Variants in VPS13B observed in about 807,000 individuals in gnomAD.
VPS13B encodes the protein vacuolar protein sorting 13 homolog B, also known as intermembrane lipid transfer protein VPS13B.
Under a neutral mutation model 426.4 loss-of-function variants are expected in VPS13B, and 285 were observed. That is an observed-to-expected ratio of 0.67 (90% CI 0.61 to 0.74). VPS13B has a LOEUF of 0.74. Among genes scored for constraint, VPS13B ranks in the 30% least tolerant of loss-of-function variants. The pLI is 0.00. For synonymous variants in VPS13B, 1,676 were observed against 1,676.4 expected (o/e 1.00, Z 0.01); for missense variants, 4,537 against 4,782.6 (o/e 0.95, Z 1.51).
chr8:99,553,397 T>G (rs1180578911), intron 30 of VPS13B, among the ~76,000 whole-genome samples: 1 of 152,162 alleles, frequency 6.6e-6, no homozygotes, highest in Non-Finnish European at 1.5e-5. Context: ...ATCTTTATCG[T>G]TTTCGTTGCA....
intron 15 of VPS13B, among the ~76,000 whole-genome samples, chr8:99,161,677 G>A (rs1811659523): frequency 6.6e-6 from 1 of 151,582 alleles, no homozygotes; most frequent in African/African-American, 2.4e-5. Context: ...GGCAGAGTGG[G>A]AATAGCATTA....
At chr8:99,093,791 T>A (rs2132423189) in intron 3 of VPS13B, 1 of 152,232 alleles carries the variant, frequency 6.6e-6, no homozygotes, top group African/African-American at 2.4e-5. Flanking sequence ...GTTGGACATT[T>A]GGGTTGAGAG....
At chr8:99,707,356 A>G (rs1468754920) in intron 36 of VPS13B, among the ~76,000 whole-genome samples, 1 of 152,144 alleles carries the variant, frequency 6.6e-6, no homozygotes, top group East Asian at 1.9e-4. Context: ...TACCCGACAC[A>G]TTGCTTGGTA....
intron 3 of VPS13B, among the ~76,000 whole-genome samples, chr8:99,066,073 T>A (rs1412665569): frequency 6.6e-6 from 1 of 152,248 alleles, no homozygotes; most frequent in East Asian, 1.9e-4. Context: ...ATGGCCATAC[T>A]GCTCAAGGTA....
chr8:99,121,549 G>A (rs1343883815), intron 8 of VPS13B, 104 bp downstream of exon 8: 2 of 1,547,284 alleles, frequency 1.3e-6, no homozygotes, highest in Admixed American at 1.9e-5. Context: ...GCATTCAGTA[G>A]ATGTGAGATA....
intron 19 of VPS13B, among the ~76,000 whole-genome samples, chr8:99,338,014 C>A (rs1418152961): frequency 2.0e-5 from 3 of 152,026 alleles, no homozygotes; most frequent in African/African-American, 7.2e-5. Context: ...ACAACATATG[C>A]ATGATTTTAT....
rs572732952 is a variant in VPS13B, at chr8:99,577,543, C to G, written c.5130C>G (p.Asp1710Glu). Residue 1710 changes from aspartate (D) to glutamate (E), a missense_variant, in exon 33 of 62, where the codon GAC (aspartate) becomes GAG (glutamate). Physicochemically the swap from Asp to Glu is conservative, Grantham distance 45. Coordinates refer to ENST00000357162, the MANE Select transcript of VPS13B (RefSeq NM_152564.5). ...SLEVNITTNL[D>E]FFLSVAQVQL... is the part of the protein sequence containing the mutation. ...AAGTGAATATAACCACAAACCTGGA[C>G]TTCTTCCTAAGTGTGGCTCAAGTTC... 8.1e-6 allele frequency: 13 copies of G among 1,613,766 alleles called. No homozygotes were observed. The highest frequency in any genetic ancestry group is 1.3e-5 in the African/African-American group (1 of 74,936).
intron 43 of VPS13B, chr8:99,796,637 G>A (rs1272798415): frequency 6.6e-6 from 1 of 152,140 alleles, no homozygotes; most frequent in Non-Finnish European, 1.5e-5. Context: ...CCATTTATTA[G>A]CTCGTGAGTC....
At chr8:99,130,003 G>A (rs965240956) in intron 8 of VPS13B, among the ~76,000 whole-genome samples, 113 of 152,242 alleles carry the variant, frequency 7.4e-4, no homozygotes, top group African/African-American at 2.6e-3. Context: ...GGTGACAGAG[G>A]AAGACCCTGT....
chr8:99,055,035 TTTTTTTTTG>T (rs1234140886), intron 3 of VPS13B, among the ~76,000 whole-genome samples: 2 of 75,652 alleles, frequency 2.6e-5, no homozygotes, highest in African/African-American at 4.6e-5. Flanking sequence ...GTATTTCTGT[TTTTTTTTTG>T]TTTTTTTTTT....
chr8:99,081,323 A>G (rs1224584880), intron 3 of VPS13B, among the ~76,000 whole-genome samples: 1 of 152,062 alleles, frequency 6.6e-6, no homozygotes, highest in Non-Finnish European at 1.5e-5. Context: ...TGTTATTGCT[A>G]GTATTTCTTG....
chr8:99,776,071 T>C (rs1452281363), intron 40 of VPS13B, among the ~76,000 whole-genome samples: 1 of 152,146 alleles, frequency 6.6e-6, no homozygotes, highest in Non-Finnish European at 1.5e-5. Flanking sequence ...TAAAGAATAT[T>C]GACTGACTCC....
intron 17 of VPS13B, among the ~76,000 whole-genome samples, chr8:99,240,320 C>A (rs560711677): frequency 6.6e-6 from 1 of 152,234 alleles, no homozygotes; most frequent in East Asian, 1.9e-4. Flanking sequence ...ATGATCATGT[C>A]TTACATTTTT....
intron 21 of VPS13B, among the ~76,000 whole-genome samples, chr8:99,412,551 A>G (rs2133361578): frequency 6.6e-6 from 1 of 152,286 alleles, no homozygotes; most frequent in Admixed American, 6.5e-5. Flanking sequence ...TCCTACATGA[A>G]TACCCTTTAT....
intron 36 of VPS13B, 61 bp from the exon 37 acceptor site, chr8:99,717,110 C>T: frequency 6.8e-7 from 1 of 1,479,026 alleles, no homozygotes; most frequent in Non-Finnish European, 9.4e-7. Context: ...ATAGATAGTT[C>T]TTTCCCAAAC....
At chr8:99,121,044 A>C in intron 7 of VPS13B, 133 bp from the exon 8 acceptor site, 1 of 742,122 alleles carries the variant, frequency 1.3e-6, no homozygotes, top group South Asian at 1.9e-5. Flanking sequence ...TTCAAATAGT[A>C]ATAATCACTG....
intron 19 of VPS13B, among the ~76,000 whole-genome samples, chr8:99,287,244 AT>A: frequency 7.0e-6 from 1 of 142,334 alleles, no homozygotes; most frequent in Non-Finnish European, 1.6e-5. Context: ...CTATCTATCT[AT>A]CTATCTATCT....
chr8:99,654,495 A>G (rs912669480), intron 34 of VPS13B, among the ~76,000 whole-genome samples: 3 of 152,234 alleles, frequency 2.0e-5, no homozygotes, highest in African/African-American at 7.2e-5. Context: ...ATCAAAAAGT[A>G]AATATAGAAA....
At chr8:99,082,589 G>A (rs1845546399) in intron 3 of VPS13B, among the ~76,000 whole-genome samples, 1 of 152,082 alleles carries the variant, frequency 6.6e-6, no homozygotes, top group Non-Finnish European at 1.5e-5. Context: ...GGTTTTTATG[G>A]TTTTAGGTCT....
Sources: allele counts gnomAD v4.1 joint callset (sites outside exome capture counted in the v4.1 genomes callset), GRCh38; gene constraint gnomAD v4.1.1; transcripts MANE v1.5; gene names NCBI Gene and HGNC (gene_info 2026-07-23, HGNC 2026-07-21).